The following CDKL1 variants were observed in gnomAD, a reference collection of about 807,000 sequenced individuals.
CDKL1 encodes the protein cyclin-dependent kinase-like 1.
Under a neutral mutation model 42.0 loss-of-function variants are expected in CDKL1, and 41 were observed. That is an observed-to-expected ratio of 0.98 (90% CI 0.76 to 1.27). The LOEUF (loss-of-function observed/expected upper bound fraction) is 1.27, where lower values mean the gene tolerates loss of function less well. Ranked by LOEUF, CDKL1 falls within the 50% of genes most tolerant of loss-of-function variation. CDKL1 has a pLI of 0.00. For missense variants in CDKL1, 394 were observed against 428.4 expected (o/e 0.92, Z 0.71); for synonymous variants, 153 against 158.6 (o/e 0.96, Z 0.26).
rs2139344144 is a variant in CDKL1, at chr14:50,329,069, A to G, written c.*1005T>C. On this transcript the variant is annotated 3_prime_UTR_variant, in exon 10 of 10. Transcript: ENST00000395834. ...TATATATATATATATATATACATAC[A>G]CATACATACACATACAAACATAGTG... 1 of 149,760 alleles carries G rather than the reference A, an allele frequency of 6.7e-6. No individual in the cohort carries two copies. The allele number at this position is 149,760 out of a possible 1,614,324, so 9.3% of individuals were successfully genotyped here.
At chr14:50,363,541 T>A (rs573857497) in intron 2 of CDKL1, among the ~76,000 whole-genome samples, 1 of 151,934 alleles carries the variant, frequency 6.6e-6, no homozygotes, top group African/African-American at 2.4e-5. Context: ...ATAATCATCC[T>A]TAGGCTTTAC....
At chr14:50,360,701 C>T (rs925983700) in intron 2 of CDKL1, among the ~76,000 whole-genome samples, 18 of 152,132 alleles carry the variant, frequency 1.2e-4, no homozygotes, top group Non-Finnish European at 2.4e-4. Context: ...GCCATGAACC[C>T]GGCCATGAGC....
chr14:50,390,447 T>G lies in CDKL1; in HGVS notation c.168+5254A>C, dbSNP rs1194760366. The G allele has an allele frequency of 7.1e-6, 9 of 1,263,394 alleles. 1 individual carries two copies. The South Asian group carries it at 9.1e-5, about 13-fold the overall frequency. The allele number at this position is 1,263,394 out of a possible 1,614,324, so 78.3% of individuals were successfully genotyped here. The stretch of plus-strand genomic sequence containing the variant: ...GAGAAGGTTCAGCAGCATAGGGGCT[T>G]GGGGCCTTAGTAATACAATTATTCT... On this transcript the variant is annotated intron_variant, in intron 2 of 9. Transcript: ENST00000395834.
At chr14:50,352,824 T>C (rs1336703111) in intron 3 of CDKL1, among the ~76,000 whole-genome samples, 1 of 152,198 alleles carries the variant, frequency 6.6e-6, no homozygotes, top group Non-Finnish European at 1.5e-5. Context: ...ACAAATTAAC[T>C]AGCCTGTCAT....
chr14:50,332,113 TC>T (rs1312582873), intron 9 of CDKL1, 148 bp downstream of exon 9: 3 of 1,601,118 alleles, frequency 1.9e-6, no homozygotes, highest in Non-Finnish European at 2.6e-6. Flanking sequence ...GAGACAGATG[TC>T]CCTGGGGCCC....
intron 4 of CDKL1, among the ~76,000 whole-genome samples, chr14:50,344,636 AT>A (rs201210115): frequency 2.3e-4 from 34 of 149,988 alleles, no homozygotes; most frequent in African/African-American, 6.6e-4. Context: ...CACCCAGTTC[AT>A]TTTTTTTTAT....
chr14:50,380,812 T>TTTTTTTTTTTTG (rs1447417583), intron 2 of CDKL1, among the ~76,000 whole-genome samples: 4,469 of 150,176 alleles, frequency 0.03, 58 homozygotes, highest in Middle Eastern at 0.063. Flanking sequence ...CTTTTTTTTT[T>TTTTTTTTTTTTG]GGGACAGAGC....
intron 8 of CDKL1, chr14:50,334,290 G>GTCA (rs2139368146): frequency 3.9e-6 from 1 of 255,822 alleles, no homozygotes; most frequent in African/African-American, 2.3e-5. Flanking sequence ...CTGAGTAGTC[G>GTCA]GGATTACAGG....
At chr14:50,390,039 T>C in intron 2 of CDKL1, 1 of 656,568 alleles carries the variant, frequency 1.5e-6, no homozygotes. Context: ...GATATCTACC[T>C]TCTAAGGTTG....
In CDKL1 at chr14:50,329,005, ACTT is replaced by A. The variant is rs1294135487; in HGVS notation, c.*1066_*1068del. The A allele has an allele frequency of 3.4e-5, 5 of 148,074 alleles. No homozygotes were observed. The Admixed American group carries it at 3.4e-4, about 10-fold the overall frequency. 9.2% of individuals were successfully genotyped at this position (148,074 alleles called of 1,614,324 possible). A position where few individuals can be genotyped will look rare whatever the true frequency, so the allele number is the denominator to read the frequency against. On this transcript the variant is annotated 3_prime_UTR_variant, in exon 10 of 10. Coordinates refer to ENST00000395834, the MANE Select transcript of CDKL1 (RefSeq NM_004196.7). ...CTATGAGTCCTCAATACTTTGGACT[ACTT>A]AGTGTAATATATTAGTTGTTAGAAT...
intron 2 of CDKL1, chr14:50,378,079 A>G: frequency 8.8e-7 from 1 of 1,131,532 alleles, no homozygotes; most frequent in Non-Finnish European, 1.2e-6. Flanking sequence ...CATCTACGAG[A>G]AAGAGCCTGA....
intron 9 of CDKL1, 47 bp from the exon 10 acceptor site, chr14:50,330,228 T>G (rs2032861715): frequency 6.3e-7 from 1 of 1,574,984 alleles, no homozygotes; most frequent in Admixed American, 2.1e-5. Context: ...TGCCATGCAT[T>G]TTTTTCATTA....
chr14:50,326,844 C>A lies in CDKL1; in HGVS notation c.*3230G>T. ...TCACTTGAGACCAGGAGTTTGAGAC[C>A]AATTTGGGCAACACAGTGAGACCCC... On this transcript the variant is annotated 3_prime_UTR_variant, in exon 10 of 10. Coordinates refer to ENST00000395834, the MANE Select transcript of CDKL1 (RefSeq NM_004196.7). 1.3e-6 allele frequency: 1 copy of A among 793,836 alleles called. No individual in the cohort carries two copies. The highest frequency in any genetic ancestry group is 1.5e-6 in the Non-Finnish European group (1 of 655,716). 49.2% of individuals were successfully genotyped at this position (793,836 alleles called of 1,614,324 possible). A position where few individuals can be genotyped will look rare whatever the true frequency, so the allele number is the denominator to read the frequency against.
At chr14:50,353,984 T>C (rs1164449061) in intron 3 of CDKL1, among the ~76,000 whole-genome samples, 1 of 151,852 alleles carries the variant, frequency 6.6e-6, no homozygotes, top group Non-Finnish European at 1.5e-5. Context: ...GATGGAGTTT[T>C]GCTCTTGTCA....
In CDKL1 at chr14:50,395,712, G is replaced by A; in HGVS notation, c.157C>T (p.Arg53Ter). Residue 53 changes from arginine (R) to a stop codon, truncating the protein, a stop_gained, in exon 2 of 10, where the codon CGA (arginine) becomes TGA (stop). Coordinates refer to ENST00000395834, the MANE Select transcript of CDKL1 (RefSeq NM_004196.7). LOFTEE classifies it high-confidence loss of function. ...VIKKIALREI[R>*]MLKQLKHPNL... ...AGTGAATCAATTACCTTGAGCATTC[G>A]GATTTCCCGAAGGGCAATTTTCTTT... 6.2e-7 allele frequency: 1 copy of A among 1,608,474 alleles called. No homozygotes were observed. The highest frequency in any genetic ancestry group is 1.1e-5 in the South Asian group (1 of 90,762).
chr14:50,371,926 G>A (rs1431936038), intron 2 of CDKL1, among the ~76,000 whole-genome samples: 1 of 152,222 alleles, frequency 6.6e-6, no homozygotes, highest in African/African-American at 2.4e-5. Flanking sequence ...TCATGACCCA[G>A]CCAGGTGTGC....
intron 2 of CDKL1, chr14:50,378,582 G>T (rs929282688): frequency 4.0e-5 from 23 of 575,924 alleles, no homozygotes; most frequent in Non-Finnish European, 5.5e-5. Flanking sequence ...CATCCAGGCT[G>T]GAGTGCAGTG....
intron 8 of CDKL1, chr14:50,332,734 C>G: frequency 1.4e-6 from 2 of 1,444,814 alleles, no homozygotes; most frequent in Non-Finnish European, 1.9e-6. Flanking sequence ...CCTCAGTGGC[C>G]AAATGGGGTA....
At position 50,329,036 on chromosome 14, in the gene CDKL1, C is replaced by CATATATATATATATATATATATAT. The variant is rs57657571; in HGVS notation, c.*1014_*1037dup. ...TGTAATATATTAGTTGTTAGAATAG[C>CATATATATATATATATATATATAT]ATATATATATATATATATATATATA... On this transcript the variant is annotated 3_prime_UTR_variant, in exon 10 of 10. Transcript: ENST00000395834. 7.1e-6 allele frequency: 1 copy of CATATATATATATATATATATATAT among 140,566 alleles called. No individual in the cohort carries two copies. Among genetic ancestry groups the CATATATATATATATATATATATAT allele is most frequent in the Non-Finnish European group, 1.5e-5 (1 of 65,158 alleles). 8.7% of individuals were successfully genotyped at this position (140,566 alleles called of 1,614,324 possible).
Sources: allele counts gnomAD v4.1 joint callset (sites outside exome capture counted in the v4.1 genomes callset), GRCh38; gene constraint gnomAD v4.1.1; transcripts MANE v1.5; gene names NCBI Gene and HGNC (gene_info 2026-07-23, HGNC 2026-07-21).